SRRM4: variants seen among roughly 807,000 people sequenced by gnomAD.
The protein encoded by SRRM4 is serine/arginine repetitive matrix protein 4.
SRRM4 carries 33 observed loss-of-function variants against 68.9 expected under a neutral mutation model. That is an observed-to-expected ratio of 0.48 (90% CI 0.36 to 0.64). The LOEUF is 0.64. Among genes scored for constraint, SRRM4 ranks in the 30% least tolerant of loss-of-function variants. SRRM4 has a pLI of 0.00. For synonymous variants in SRRM4, 318 were observed against 318.8 expected (o/e 1.00, Z 0.03); for missense variants, 817 against 827.1 (o/e 0.99, Z 0.15).
At chr12:119,004,719 C>T (rs1953405441) in intron 1 of SRRM4, among the ~76,000 whole-genome samples, 2 of 151,918 alleles carry the variant, frequency 1.3e-5, no homozygotes, top group Admixed American at 6.5e-5. Context: ...TCTCTCCTCT[C>T]GGCTCCCCCA....
At chr12:119,151,323 T>C (rs1954438081) in intron 10 of SRRM4, 103 bp downstream of exon 10, 7 of 1,064,542 alleles carry the variant, frequency 6.6e-6, no homozygotes, top group Admixed American at 1.9e-5. Flanking sequence ...CAGACGGACT[T>C]AGGTTTGAAT....
At chr12:119,003,408 A>G (rs1045300132) in intron 1 of SRRM4, among the ~76,000 whole-genome samples, 2 of 151,880 alleles carry the variant, frequency 1.3e-5, no homozygotes, top group Non-Finnish European at 2.9e-5. Context: ...GGGACATGCC[A>G]TAAAAGATTG....
intron 7 of SRRM4, among the ~76,000 whole-genome samples, chr12:119,126,014 CTTTTTTTTT>C (rs34680171): frequency 4.2e-5 from 3 of 71,130 alleles, no homozygotes; most frequent in African/African-American, 1.1e-4. Context: ...ATACTAGCTG[CTTTTTTTTT>C]TTTTTTTTTT....
chr12:119,110,285 G>A (rs916594726), intron 2 of SRRM4, among the ~76,000 whole-genome samples: 1 of 152,210 alleles, frequency 6.6e-6, no homozygotes, highest in Admixed American at 6.5e-5. Flanking sequence ...GGACGCACTT[G>A]AGGAGGCAGT....
chr12:119,021,616 GC>G (rs1477347523), intron 1 of SRRM4, among the ~76,000 whole-genome samples: 1 of 152,190 alleles, frequency 6.6e-6, no homozygotes, highest in East Asian at 1.9e-4. Flanking sequence ...GAAAAGTCCA[GC>G]TTTTGTCCCC....
In SRRM4 at chr12:119,002,223, C is replaced by CA. The variant is rs915365328; in HGVS notation, c.131+20223dup. ...ATGCTGATTGCGAAAAGAAAAGAAG[C>CA]AAAAAAAAAAAAATTTTTTTTCAAG... On this transcript the variant is annotated intron_variant, in intron 1 of 12. Coordinates refer to ENST00000267260, the MANE Select transcript of SRRM4 (RefSeq NM_194286.4). 6.7e-3 allele frequency among the ~76,000 whole-genome samples: 953 copies of CA among 141,384 alleles called. 19 individuals carry two copies. Among genetic ancestry groups the CA allele is most frequent in the African/African-American group, 0.022 (858 of 38,762 alleles). 92.8% of individuals were successfully genotyped at this position (141,384 alleles called of 152,430 possible). A position where few individuals can be genotyped will look rare whatever the true frequency, so the allele number is the denominator to read the frequency against.
At chr12:119,005,197 C>T (rs979805448) in intron 1 of SRRM4, among the ~76,000 whole-genome samples, 15 of 152,220 alleles carry the variant, frequency 9.9e-5, no homozygotes, top group African/African-American at 3.6e-4. Context: ...GGGATTAACC[C>T]TTTCCTGTCC....
intron 8 of SRRM4, among the ~76,000 whole-genome samples, chr12:119,140,394 T>A (rs1044923452): frequency 5.3e-5 from 7 of 132,400 alleles, no homozygotes; most frequent in African/African-American, 2.1e-4. Context: ...AAAAAAAAAA[T>A]TATTGTTAAC....
intron 1 of SRRM4, among the ~76,000 whole-genome samples, chr12:119,037,721 C>T (rs566889293): frequency 3.1e-4 from 47 of 152,172 alleles, no homozygotes; most frequent in African/African-American, 9.2e-4. Flanking sequence ...GAACATTCGC[C>T]GAAGAGAAGG....
intron 7 of SRRM4, among the ~76,000 whole-genome samples, chr12:119,129,383 T>A (rs1954279872): frequency 6.6e-6 from 1 of 152,194 alleles, no homozygotes; most frequent in Non-Finnish European, 1.5e-5. Flanking sequence ...AGCAGCCAGA[T>A]CTAGACGTGA....
Position 119,159,766 on chromosome 12 carries a change from T to TGAGA in SRRM4, c.*2968_*2969insGAGA, listed in dbSNP as rs1954498320. On this transcript the variant is annotated 3_prime_UTR_variant, in exon 13 of 13. Transcript: ENST00000267260. ...TGTCCCCTGAGATCTGAAGGCTACC[T>TGAGA]TGGGAAGAGGCATCAGCCATCTTGC... The TGAGA allele has an allele frequency of 6.6e-6, 1 of 152,086 alleles. No homozygotes were observed. Among genetic ancestry groups the TGAGA allele is most frequent in the Non-Finnish European group, 1.5e-5 (1 of 68,030 alleles). The allele number at this position is 152,086 out of a possible 1,614,324, so 9.4% of individuals were successfully genotyped here. A position where few individuals can be genotyped will look rare whatever the true frequency, so the allele number is the denominator to read the frequency against.
chr12:119,032,672 C>A lies in SRRM4; in HGVS notation c.131+50659C>A, dbSNP rs559233474. Among the ~76,000 whole-genome samples the A allele has an allele frequency of 2.0e-5, 3 of 152,196 alleles. No homozygotes were observed. The East Asian group carries it at 5.8e-4, about 29-fold the overall frequency. On this transcript the variant is annotated intron_variant, in intron 1 of 12. Coordinates refer to ENST00000267260, the MANE Select transcript of SRRM4 (RefSeq NM_194286.4). ...TGCTAATCTCAAATACTTTGGGAAG[C>A]TTTCTCCCTTCTCTATGTCTTGATA...
intron 2 of SRRM4, among the ~76,000 whole-genome samples, chr12:119,108,642 G>A (rs1311499801): frequency 3.7e-5 from 5 of 133,374 alleles, no homozygotes; most frequent in Admixed American, 3.2e-4. Context: ...TGCAACCCCT[G>A]TTTGTTTTTT....
chr12:119,028,890 G>A (rs1210791735), intron 1 of SRRM4, among the ~76,000 whole-genome samples: 1 of 152,194 alleles, frequency 6.6e-6, no homozygotes, highest in Non-Finnish European at 1.5e-5. Flanking sequence ...GACTTGCCAA[G>A]TTATAGCTGA....
intron 1 of SRRM4, among the ~76,000 whole-genome samples, chr12:119,043,927 G>A (rs925713880): frequency 6.6e-6 from 1 of 151,934 alleles, no homozygotes; most frequent in Non-Finnish European, 1.5e-5. Flanking sequence ...GTGCAATGGC[G>A]CGATCTCAGC....
chr12:118,989,423 A>G (rs1953302198), intron 1 of SRRM4, among the ~76,000 whole-genome samples: 1 of 152,140 alleles, frequency 6.6e-6, no homozygotes. Context: ...ATATTCATGC[A>G]TGCAAACCTA....
chr12:119,120,711 A>T (rs981165334), intron 5 of SRRM4, among the ~76,000 whole-genome samples: 1 of 152,216 alleles, frequency 6.6e-6, no homozygotes, highest in Non-Finnish European at 1.5e-5. Context: ...CTGGATCCTG[A>T]GCTAAGTCCC....
At chr12:119,153,380 G>C (rs954327453) in intron 10 of SRRM4, among the ~76,000 whole-genome samples, 159 bp from the exon 11 acceptor site, 1 of 152,118 alleles carries the variant, frequency 6.6e-6, no homozygotes, top group African/African-American at 2.4e-5. Context: ...CACCGGTGGG[G>C]AGGGGCTTTC....
chr12:119,015,681 C>G (rs1410228592), intron 1 of SRRM4, among the ~76,000 whole-genome samples: 1 of 151,832 alleles, frequency 6.6e-6, no homozygotes, highest in African/African-American at 2.4e-5. Flanking sequence ...TAATCAATAT[C>G]CTATTGATTT....
Sources: gnomAD v4.1 joint callset for allele counts (sites outside exome capture counted in the v4.1 genomes callset) on GRCh38, gnomAD v4.1.1 for gene constraint, MANE v1.5 for transcripts, NCBI Gene and HGNC (gene_info 2026-07-23, HGNC 2026-07-21) for gene names.